Variants in FOXP2 observed in about 807,000 individuals in gnomAD.
The protein encoded by FOXP2 is forkhead box protein P2.
A neutral mutation model predicts 115.8 loss-of-function variants in FOXP2; 12 were observed. The observed-to-expected ratio is 0.10, with a 90% CI of 0.07 to 0.17. The LOEUF (loss-of-function observed/expected upper bound fraction) is 0.17. Among genes scored for constraint, FOXP2 ranks in the 10% least tolerant of loss-of-function variants. The pLI is 1.00. For synonymous variants in FOXP2, 328 were observed against 297.7 expected (o/e 1.10, Z -1.05); for missense variants, 629 against 843.5 (o/e 0.75, Z 3.15).
chr7:114,623,430 G>T (rs1048862254), intron 3 of FOXP2, among the ~76,000 whole-genome samples: 1 of 151,910 alleles, frequency 6.6e-6, no homozygotes, highest in African/African-American at 2.4e-5. Flanking sequence ...GGGAACTTTA[G>T]CTTTGAGAAG....
intron 1 of FOXP2, among the ~76,000 whole-genome samples, chr7:114,242,569 C>A (rs554540250): frequency 6.6e-6 from 1 of 152,160 alleles, no homozygotes; most frequent in African/African-American, 2.4e-5. Context: ...CAACTGAGAC[C>A]CAGAATGTCA....
chr7:114,114,141 G>A (rs187433208), intron 1 of FOXP2, among the ~76,000 whole-genome samples: 1 of 151,984 alleles, frequency 6.6e-6, no homozygotes, highest in African/African-American at 2.4e-5. Flanking sequence ...ATGAAAGAGA[G>A]AGAGTGCTCC....
chr7:114,543,342 T>C (rs1382432074), intron 3 of FOXP2, among the ~76,000 whole-genome samples: 1 of 152,150 alleles, frequency 6.6e-6, no homozygotes, highest in Non-Finnish European at 1.5e-5. Flanking sequence ...ATTCACAATG[T>C]GTATACCCAT....
intron 2 of FOXP2, among the ~76,000 whole-genome samples, chr7:114,376,755 G>A (rs1792147401): frequency 6.6e-6 from 1 of 152,186 alleles, no homozygotes; most frequent in African/African-American, 2.4e-5. Flanking sequence ...TGGAGTTAGA[G>A]ATAACCTATT....
At chr7:114,186,708 C>T (rs993983634) in intron 1 of FOXP2, among the ~76,000 whole-genome samples, 1 of 152,156 alleles carries the variant, frequency 6.6e-6, no homozygotes, top group Non-Finnish European at 1.5e-5. Context: ...TAGCCTGGGT[C>T]CCCAGGCTCT....
At chr7:114,370,803 T>C (rs1384940482) in intron 2 of FOXP2, among the ~76,000 whole-genome samples, 5 of 152,232 alleles carry the variant, frequency 3.3e-5, no homozygotes, top group African/African-American at 1.2e-4. Context: ...TTGTTTGTAC[T>C]TGTGACCAGT....
intron 1 of FOXP2, among the ~76,000 whole-genome samples, chr7:114,218,980 C>T (rs887178154): frequency 7.2e-5 from 11 of 152,136 alleles, no homozygotes; most frequent in Admixed American, 3.3e-4. Flanking sequence ...CTGCAGTCTC[C>T]TCCCCAAACC....
At chr7:114,216,155 C>T (rs1794478798) in intron 1 of FOXP2, among the ~76,000 whole-genome samples, 1 of 152,128 alleles carries the variant, frequency 6.6e-6, no homozygotes, top group South Asian at 2.1e-4. Context: ...ATTCTCTGCC[C>T]CTCTTATAGT....
chr7:114,666,687 A>G (rs1585009835), intron 16 of FOXP2: 1 of 152,190 alleles, frequency 6.6e-6, no homozygotes, highest in African/African-American at 2.4e-5. Context: ...GCAATTGTAA[A>G]CAAGAGGAAA....
chr7:114,104,540 T>C (rs74872336), intron 1 of FOXP2, among the ~76,000 whole-genome samples: 11,583 of 152,128 alleles, frequency 0.076, 1,058 homozygotes, highest in East Asian at 0.49. Flanking sequence ...TGAAAAACTA[T>C]TGATATGTAC....
At chr7:114,254,358 A>T (rs1584582525) in intron 1 of FOXP2, among the ~76,000 whole-genome samples, 2 of 152,182 alleles carry the variant, frequency 1.3e-5, no homozygotes, top group Admixed American at 1.3e-4. Context: ...AGGTTGGGGA[A>T]GTTCTCCTGG....
chr7:114,541,685 A>G (rs1262973392), intron 3 of FOXP2, among the ~76,000 whole-genome samples: 1 of 151,794 alleles, frequency 6.6e-6, no homozygotes, highest in Non-Finnish European at 1.5e-5. Flanking sequence ...GCAGTGAAAG[A>G]AAATGTATGT....
At chr7:114,296,316 T>C (rs898997997) in intron 2 of FOXP2, among the ~76,000 whole-genome samples, 1 of 152,132 alleles carries the variant, frequency 6.6e-6, no homozygotes, top group Non-Finnish European at 1.5e-5. Flanking sequence ...TCTCAGATAA[T>C]TTAATAAACA....
chr7:114,332,128 G>A (rs570289007), intron 2 of FOXP2, among the ~76,000 whole-genome samples: 2 of 152,236 alleles, frequency 1.3e-5, no homozygotes, highest in East Asian at 3.9e-4. Flanking sequence ...GTGTGTGTGT[G>A]TGCGTGTGTG....
chr7:114,406,163 CAA>C (rs2129197688), intron 2 of FOXP2, among the ~76,000 whole-genome samples: 1 of 151,978 alleles, frequency 6.6e-6, no homozygotes, highest in African/African-American at 2.4e-5. Flanking sequence ...GCACTAGTGT[CAA>C]AGTTTTAGCA....
At chr7:114,229,162 T>C (rs1794811594) in intron 1 of FOXP2, among the ~76,000 whole-genome samples, 1 of 151,154 alleles carries the variant, frequency 6.6e-6, no homozygotes, top group Admixed American at 6.6e-5. Context: ...AGAAACTTTA[T>C]ATAATGATAA....
chr7:114,621,415 C>T (rs746274332), intron 3 of FOXP2, among the ~76,000 whole-genome samples: 1 of 152,004 alleles, frequency 6.6e-6, no homozygotes, highest in Non-Finnish European at 1.5e-5. Context: ...GTAGTAGCAA[C>T]GGAATCTTAA....
At chr7:114,291,388 T>C (rs952031207) in intron 2 of FOXP2, among the ~76,000 whole-genome samples, 4 of 152,106 alleles carry the variant, frequency 2.6e-5, no homozygotes, top group Middle Eastern at 3.2e-3. Flanking sequence ...GATTTTAACA[T>C]AGGAATTTGG....
At chr7:114,489,892 T>C (rs750299337) in intron 2 of FOXP2, among the ~76,000 whole-genome samples, 7 of 152,130 alleles carry the variant, frequency 4.6e-5, no homozygotes, top group African/African-American at 7.2e-5. Flanking sequence ...GCTGTGTATC[T>C]ACTATCAGAA....
Sources: gnomAD v4.1 joint callset for allele counts (sites outside exome capture counted in the v4.1 genomes callset) on GRCh38, gnomAD v4.1.1 for gene constraint, MANE v1.5 for transcripts, NCBI Gene and HGNC (gene_info 2026-07-23, HGNC 2026-07-21) for gene names.